The following TLCD4 variants were observed in gnomAD, a reference collection of about 807,000 sequenced individuals.
TLCD4 encodes TLC domain-containing protein 4.
A neutral mutation model predicts 24.2 loss-of-function variants in TLCD4; 7 were observed. The ratio of observed to expected loss-of-function variants is 0.29; its 90% CI spans 0.16 to 0.54. TLCD4 has a LOEUF of 0.54. Ranked by LOEUF, TLCD4 falls within the 20% of genes least tolerant of loss-of-function variation. TLCD4 has a pLI of 0.95. For synonymous variants in TLCD4, 103 were observed against 106.4 expected, an observed-to-expected ratio of 0.97 and a Z score of 0.20; for missense variants, 259 against 313.9, an observed-to-expected ratio of 0.82 and a Z score of 1.32.
Position 95,183,357 on chromosome 1 carries a change from A to G in TLCD4, c.474-8193A>G, listed in dbSNP as rs186862928. Among the ~76,000 whole-genome samples, 17 of 152,278 alleles carry G rather than the reference A, an allele frequency of 1.1e-4. No individual in the cohort carries two copies. The East Asian group carries it at 2.3e-3, about 21-fold the overall frequency. On this transcript the variant is annotated intron_variant, in intron 6 of 6. Transcript: ENST00000370203. ...GAGAAATGTGCCCATCAAAAGTGAC[A>G]GAGAATTAGGAAGACTGAGAGGGAA...
intron 2 of TLCD4, among the ~76,000 whole-genome samples, chr1:95,145,738 G>C (rs1455448085): frequency 6.6e-6 from 1 of 152,124 alleles, no homozygotes; most frequent in African/African-American, 2.4e-5. Context: ...GCAAGTCAGA[G>C]AAATAGGAAA....
the TLCD4 span, among the ~76,000 whole-genome samples, chr1:95,097,574 G>C: frequency 6.6e-6 from 1 of 152,228 alleles, no homozygotes; most frequent in Non-Finnish European, 1.5e-5. Context: ...TAACGAAGTA[G>C]GGAAACCCAG....
chr1:95,104,435 C>T, the TLCD4 span, among the ~76,000 whole-genome samples: 4 of 151,730 alleles, frequency 2.6e-5, no homozygotes, highest in African/African-American at 9.7e-5. Context: ...GAGGCCGAGG[C>T]GGGCGGATCA....
intron 6 of TLCD4, among the ~76,000 whole-genome samples, chr1:95,181,439 G>A (rs923503412): frequency 1.3e-5 from 2 of 152,186 alleles, no homozygotes; most frequent in Admixed American, 1.3e-4. Flanking sequence ...TCCTTAATAT[G>A]TCATCAAAAT....
chr1:95,125,005 C>G (rs938228625), intron 1 of TLCD4, among the ~76,000 whole-genome samples: 6 of 152,146 alleles, frequency 3.9e-5, no homozygotes, highest in African/African-American at 1.4e-4. Flanking sequence ...ATAGGTTATA[C>G]AGTGTGAGAA....
chr1:95,154,895 A>G (rs1677590707), intron 5 of TLCD4, among the ~76,000 whole-genome samples: 1 of 149,054 alleles, frequency 6.7e-6, no homozygotes, highest in Non-Finnish European at 1.5e-5. Context: ...GGGTCAGTCT[A>G]TTACCTGTTA....
At chr1:95,122,534 T>G (rs1676597727) in intron 1 of TLCD4, among the ~76,000 whole-genome samples, 1 of 152,182 alleles carries the variant, frequency 6.6e-6, no homozygotes, top group Admixed American at 6.5e-5. Flanking sequence ...GTGTTTGACT[T>G]CACCCTTCCT....
chr1:95,191,606 G>T lies in TLCD4; in HGVS notation c.530G>T (p.Gly177Val). Residue 177 changes from glycine (G) to valine (V), a missense_variant, in exon 7 of 7, where the codon GGA (glycine) becomes GTA (valine). Transcript: ENST00000370203. ...TTTTCTAAAGCTATCGTTATCAATG[G>T]AATACTCATGACAGTAGTATTCTTC... Reference protein sequence around the residue: ...PKFSKAIVINGILMTVVFFIV... With the variant: ...PKFSKAIVINVILMTVVFFIV... 6.2e-7 allele frequency: 1 copy of T among 1,614,084 alleles called. No individual in the cohort carries two copies. Among genetic ancestry groups the T allele is most frequent in the Non-Finnish European group, 8.5e-7 (1 of 1,180,008 alleles).
chr1:95,114,679 A>G (rs1025722358), upstream of TLCD4, among the ~76,000 whole-genome samples: 1 of 151,930 alleles, frequency 6.6e-6, no homozygotes, highest in Non-Finnish European at 1.5e-5. Flanking sequence ...GAAATACAAA[A>G]ATTAGCCAAG....
chr1:95,143,611 A>C (rs529948788), intron 1 of TLCD4, among the ~76,000 whole-genome samples: 10 of 152,254 alleles, frequency 6.6e-5, no homozygotes, highest in African/African-American at 2.4e-4. Context: ...TTCTCTGTTA[A>C]TATTAAGACT....
intron 5 of TLCD4, among the ~76,000 whole-genome samples, chr1:95,170,420 C>T (rs973954180): frequency 5.3e-5 from 8 of 150,512 alleles, no homozygotes; most frequent in Admixed American, 2.7e-4. Context: ...AGCTCCGCCT[C>T]CCAGGTTCAC....
intron 1 of TLCD4, among the ~76,000 whole-genome samples, chr1:95,120,704 T>C (rs1676545527): frequency 6.6e-6 from 1 of 152,222 alleles, no homozygotes; most frequent in Non-Finnish European, 1.5e-5. Flanking sequence ...CAAACGCTTG[T>C]CTAAAGCAGT....
intron 6 of TLCD4, among the ~76,000 whole-genome samples, chr1:95,187,050 G>A (rs1678851776): frequency 6.6e-6 from 1 of 152,166 alleles, no homozygotes; most frequent in Non-Finnish European, 1.5e-5. Flanking sequence ...TGTAAAATTA[G>A]GCAAGGCAGT....
intron 6 of TLCD4, among the ~76,000 whole-genome samples, chr1:95,182,648 A>T (rs1678687192): frequency 6.6e-6 from 1 of 152,194 alleles, no homozygotes. Flanking sequence ...TCAGTATAGA[A>T]GTCAGCACAA....
chr1:95,107,025 C>T, the TLCD4 span, among the ~76,000 whole-genome samples: 1 of 152,126 alleles, frequency 6.6e-6, no homozygotes, highest in Non-Finnish European at 1.5e-5. Flanking sequence ...TATAGTAACA[C>T]CATTGCAGGA....
At chr1:95,154,381 T>A (rs1022970387) in intron 5 of TLCD4, among the ~76,000 whole-genome samples, 1 of 152,142 alleles carries the variant, frequency 6.6e-6, no homozygotes, top group Non-Finnish European at 1.5e-5. Flanking sequence ...TGAGTACTGA[T>A]GTTTGTTAGG....
intron 5 of TLCD4, among the ~76,000 whole-genome samples, chr1:95,159,756 A>C (rs1677731251): frequency 6.6e-6 from 1 of 152,202 alleles, no homozygotes. Flanking sequence ...CATTTATTAA[A>C]TAGGGAATCC....
intron 1 of TLCD4, among the ~76,000 whole-genome samples, chr1:95,142,291 CTT>C (rs33917874): frequency 0.68 from 79,467 of 117,036 alleles, 27,275 homozygotes; most frequent in Non-Finnish European, 0.78. Context: ...TTATAAAAAT[CTT>C]TTTTTTTTTT....
At chr1:95,105,037 A>T in the TLCD4 span, among the ~76,000 whole-genome samples, 6 of 152,198 alleles carry the variant, frequency 3.9e-5, no homozygotes, top group African/African-American at 1.4e-4. Context: ...CAATAAAAAA[A>T]AATAATACTT....
Sources: gnomAD v4.1 joint callset for allele counts (sites outside exome capture counted in the v4.1 genomes callset) on GRCh38, gnomAD v4.1.1 for gene constraint, MANE v1.5 for transcripts, NCBI Gene and HGNC (gene_info 2026-07-23, HGNC 2026-07-21) for gene names.